Variants in MYH11 observed in about 807,000 individuals in gnomAD.
The protein encoded by MYH11 is myosin heavy chain 11.
Under a neutral mutation model 246.6 loss-of-function variants are expected in MYH11, and 80 were observed. The observed-to-expected ratio is 0.32, with a 90% CI of 0.27 to 0.39. The LOEUF (loss-of-function observed/expected upper bound fraction) is 0.39. Ranked by LOEUF, MYH11 falls within the 10% of genes least tolerant of loss-of-function variation. MYH11 has a pLI of 1.00. For missense variants in MYH11, 2,158 were observed against 2,546.8 expected (o/e 0.85, Z 3.29); for synonymous variants, 1,071 against 1,015.5 (o/e 1.05, Z -1.04).
At position 15,782,572 on chromosome 16, in the gene MYH11, C is replaced by G. The variant is rs930751259; in HGVS notation, c.634-95G>C. 5.4e-6 allele frequency: 5 copies of G among 933,244 alleles called. No individual in the cohort carries two copies. In the African/African-American group the frequency reaches 8.1e-5, roughly 15 times the overall value. The allele number at this position is 933,244 out of a possible 1,614,324, so 57.8% of individuals were successfully genotyped here. On this transcript the variant is annotated intron_variant, in intron 5 of 40. Transcript: ENST00000300036. ...GTTGTCACAAAACTCTGCCCTTAACCCACAGGTTCTCTCCTATCTCCTACC... is the reference window on the plus strand; with the variant it reads ...GTTGTCACAAAACTCTGCCCTTAACGCACAGGTTCTCTCCTATCTCCTACC...
In MYH11 at chr16:15,758,008, C is replaced by T. The variant is rs529694413; in HGVS notation, c.1402-8G>A. ...CTGCTCGAAGGAGTTCACCTGAGCA[C>T]ATGGCGTGGGGGCGGGGCGTGAGCA... On this transcript the variant is annotated splice_region_variant and splice_polypyrimidine_tract_variant and intron_variant, in intron 12 of 40. Coordinates refer to ENST00000300036, the MANE Select transcript of MYH11 (RefSeq NM_002474.3). 1 of 1,613,560 alleles carries T rather than the reference C, an allele frequency of 6.2e-7. No homozygotes were observed. Among genetic ancestry groups the T allele is most frequent in the Non-Finnish European group, 8.5e-7 (1 of 1,180,028 alleles).
rs1015265517 is a variant in MYH11 at position 15,844,322 on chromosome 16, C to T, written c.-17-6053G>A. Reference sequence around the variant, plus strand: ...AAGTGATTCTCCTGCCTCAGCCTCCCGAGGAGCTAGGATTACAGGTGCATG... The same window carrying T: ...AAGTGATTCTCCTGCCTCAGCCTCCTGAGGAGCTAGGATTACAGGTGCATG... On this transcript the variant is annotated intron_variant, in intron 1 of 40. Transcript: ENST00000300036. Among the ~76,000 whole-genome samples, 34 of 152,102 alleles carry T rather than the reference C, an allele frequency of 2.2e-4. 1 individual carries two copies. Among genetic ancestry groups the T allele is most frequent in the Admixed American group, 9.2e-4 (14 of 15,266 alleles).
chr16:15,740,621 A>AAT (rs2041247780), intron 22 of MYH11, among the ~76,000 whole-genome samples: 1 of 151,894 alleles, frequency 6.6e-6, no homozygotes, highest in South Asian at 2.1e-4. Context: ...AAAAAAAAAA[A>AAT]AAAAATAAAG....
At chr16:15,769,462 C>T (rs938078730) in intron 9 of MYH11, among the ~76,000 whole-genome samples, 1 of 152,218 alleles carries the variant, frequency 6.6e-6, no homozygotes, top group African/African-American at 2.4e-5. Context: ...ACTGCGCCAC[C>T]GTACTCCAGC....
chr16:15,718,479 C>T (rs945619473), intron 36 of MYH11, 41 bp from the exon 37 acceptor site: 1 of 1,537,822 alleles, frequency 6.5e-7, no homozygotes, highest in Non-Finnish European at 8.7e-7. Context: ...CTACCCTCCC[C>T]CGCCTTAAAA....
In MYH11 at chr16:15,721,542, C is replaced by T; in HGVS notation, c.4458G>A (p.Leu1486=). The change falls in exon 32 of 41, where the codon CTG becomes CTA. Residue 1486 remains leucine (L), a synonymous_variant. Transcript: ENST00000300036. ...CCTCTTCAAGGGCCCGAGCCAGGGA[C>T]AGGGCCTTGGTTTCCTTCTCCCTGG... is the stretch of plus-strand genomic sequence containing the variant. ...AEAREKETKA[L]SLARALEEAL... The T allele has an allele frequency of 6.2e-7, 1 of 1,614,218 alleles. No homozygotes were observed. The highest frequency in any genetic ancestry group is 8.5e-7 in the Non-Finnish European group (1 of 1,180,038).
Position 15,745,165 on chromosome 16 carries a change from C to T in MYH11, c.2484G>A (p.Lys828=). ...GCCTCCACCACTGCCAGTTCCGCAG[C>T]TTGAGGTAGGCGGCGCAGTTCCTCT... ...VIQRNCAAYL[K]LRNWQWWRLF... Residue 828 remains lysine, a synonymous_variant, in exon 20 of 41, where the codon AAG becomes AAA. Coordinates refer to ENST00000300036, the MANE Select transcript of MYH11 (RefSeq NM_002474.3). 1 of 1,614,152 alleles carries T rather than the reference C, an allele frequency of 6.2e-7. No individual in the cohort carries two copies. Among genetic ancestry groups the T allele is most frequent in the Non-Finnish European group, 8.5e-7 (1 of 1,180,032 alleles).
intron 40 of MYH11, chr16:15,708,682 T>C: frequency 2.9e-6 from 3 of 1,037,448 alleles, no homozygotes; most frequent in Non-Finnish European, 4.4e-6. Flanking sequence ...CCTCCAGATT[T>C]TGCAAGAATC....
chr16:15,712,974 C>T (rs944063742), intron 40 of MYH11: 1 of 149,758 alleles, frequency 6.7e-6, no homozygotes, highest in African/African-American at 2.5e-5. Context: ...GTGCCTCAGC[C>T]TCCTGAGTAG....
At chr16:15,712,758 C>T (rs1365652093) in intron 40 of MYH11, 3 of 151,584 alleles carry the variant, frequency 2.0e-5, no homozygotes, top group Non-Finnish European at 4.4e-5. Flanking sequence ...AGGCCAGAGG[C>T]ATGATGGACT....
chr16:15,753,990 G>A (rs1393918766), intron 14 of MYH11, among the ~76,000 whole-genome samples: 2 of 151,576 alleles, frequency 1.3e-5, no homozygotes, highest in African/African-American at 4.9e-5. Flanking sequence ...TGGATCATTT[G>A]AGGTCAGGCG....
chr16:15,738,197 T>C (rs1490563173), intron 24 of MYH11, among the ~76,000 whole-genome samples: 1 of 152,088 alleles, frequency 6.6e-6, no homozygotes, highest in African/African-American at 2.4e-5. Context: ...CTTTCTGATT[T>C]TCCTGCTTTT....
intron 10 of MYH11, 48 bp downstream of exon 10, chr16:15,763,748 C>CCCCCCCCCCCCCCA: frequency 1.4e-6 from 1 of 694,610 alleles, no homozygotes; most frequent in Non-Finnish European, 2.7e-6. Flanking sequence ...ACCTCCCCCA[C>CCCCCCCCCCCCCCA]CCCCCCAACC....
At chr16:15,852,467 GGAT>G (rs2044355357) in intron 1 of MYH11, among the ~76,000 whole-genome samples, 1 of 151,366 alleles carries the variant, frequency 6.6e-6, no homozygotes, top group Non-Finnish European at 1.5e-5. Context: ...CGAGTAGCTG[GGAT>G]TACAGGTGCC....
intron 17 of MYH11, 29 bp from the exon 18 acceptor site, chr16:15,747,972 G>C (rs2151260576): frequency 1.2e-6 from 2 of 1,614,064 alleles, no homozygotes; most frequent in Non-Finnish European, 1.7e-6. Context: ...AGTCACCCCG[G>C]GTACCTCCAG....
chr16:15,732,484 G>A (rs2040994250), intron 27 of MYH11, 80 bp downstream of exon 27: 1 of 1,592,148 alleles, frequency 6.3e-7, no homozygotes, highest in Non-Finnish European at 8.6e-7. Flanking sequence ...TCTTTATGCA[G>A]ACCCTGACCT....
intron 1 of MYH11, among the ~76,000 whole-genome samples, chr16:15,841,865 TCACAACTC>T (rs2044060850): frequency 6.6e-6 from 1 of 152,142 alleles, no homozygotes; most frequent in African/African-American, 2.4e-5. Flanking sequence ...AGCAGGGAAT[TCACAACTC>T]CTTTGAATTC....
chr16:15,824,378 AG>A (rs2043503930), intron 2 of MYH11, among the ~76,000 whole-genome samples: 1 of 151,952 alleles, frequency 6.6e-6, no homozygotes, highest in African/African-American at 2.4e-5. Flanking sequence ...TCTGGGCTTA[AG>A]TGATCCTCTC....
chr16:15,843,709 AAAAG>A (rs576707693), intron 1 of MYH11, among the ~76,000 whole-genome samples: 1,914 of 151,508 alleles, frequency 0.013, 46 homozygotes, highest in African/African-American at 0.041. Flanking sequence ...CAAAAAAAAA[AAAAG>A]AAAGAAAGGA....
Sources: allele counts gnomAD v4.1 joint callset (sites outside exome capture counted in the v4.1 genomes callset), GRCh38; gene constraint gnomAD v4.1.1; transcripts MANE v1.5; gene names NCBI Gene and HGNC (gene_info 2026-07-23, HGNC 2026-07-21).